Variants in RBFOX1 observed in about 807,000 individuals in gnomAD.
RBFOX1 encodes RNA binding fox-1 homolog 1.
Under a neutral mutation model 57.7 loss-of-function variants are expected in RBFOX1, and 8 were observed. That is an observed-to-expected ratio of 0.14 (90% CI 0.08 to 0.25). The LOEUF (loss-of-function observed/expected upper bound fraction) is 0.25, where lower values mean the gene tolerates loss of function less well. RBFOX1 is among the 10% of genes least tolerant of loss of function. The pLI, the probability that RBFOX1 is intolerant of heterozygous loss-of-function variation, is 1.00. For missense variants in RBFOX1, 611 were observed against 548.5 expected (o/e 1.11, Z -1.14); for synonymous variants, 326 against 222.4 (o/e 1.47, Z -4.15).
chr16:7,390,679 A>G (rs1003731926), intron 4 of RBFOX1, among the ~76,000 whole-genome samples: 1 of 152,204 alleles, frequency 6.6e-6, no homozygotes, highest in Non-Finnish European at 1.5e-5. Context: ...TTTTGATGAA[A>G]AGAATCAATA....
intron 3 of RBFOX1, among the ~76,000 whole-genome samples, chr16:5,700,847 A>G (rs1196815078): frequency 6.6e-6 from 1 of 152,184 alleles, no homozygotes; most frequent in Non-Finnish European, 1.5e-5. Context: ...TCTGTGAACC[A>G]GTCATAGGCT....
chr16:7,237,330 T>C (rs2093818691), intron 4 of RBFOX1, among the ~76,000 whole-genome samples: 1 of 152,170 alleles, frequency 6.6e-6, no homozygotes, highest in African/African-American at 2.4e-5. Flanking sequence ...GTCATCAGAG[T>C]GCAGAATGGA....
chr16:6,805,152 C>A (rs964705162), intron 3 of RBFOX1, among the ~76,000 whole-genome samples: 6 of 152,050 alleles, frequency 3.9e-5, no homozygotes, highest in Non-Finnish European at 5.9e-5. Context: ...AAAGGCCCAG[C>A]AATAACAGAT....
intron 2 of RBFOX1, among the ~76,000 whole-genome samples, chr16:6,470,128 A>C (rs2095140650): frequency 1.3e-5 from 2 of 152,178 alleles, no homozygotes; most frequent in South Asian, 4.1e-4. Context: ...AATAGAGTAT[A>C]TAGAAACCAG....
intron 4 of RBFOX1, among the ~76,000 whole-genome samples, chr16:7,203,541 G>A (rs567156646): frequency 6.6e-6 from 1 of 152,322 alleles, no homozygotes; most frequent in South Asian, 2.1e-4. Flanking sequence ...TAACTTTTAT[G>A]TTGTATTTGT....
At chr16:6,685,710 C>G (rs1437251599) in intron 3 of RBFOX1, among the ~76,000 whole-genome samples, 2 of 152,084 alleles carry the variant, frequency 1.3e-5, no homozygotes, top group Admixed American at 6.5e-5. Flanking sequence ...ACAAGATGGC[C>G]TCATCACTCA....
chr16:5,445,866 C>T (rs1368240771), intron 1 of RBFOX1, among the ~76,000 whole-genome samples: 3 of 152,214 alleles, frequency 2.0e-5, no homozygotes, highest in Non-Finnish European at 4.4e-5. Context: ...CAAAATAAAA[C>T]ATCTTTCCTC....
chr16:6,985,723 A>G (rs1025038120), intron 3 of RBFOX1, among the ~76,000 whole-genome samples: 4 of 151,084 alleles, frequency 2.6e-5, no homozygotes, highest in Non-Finnish European at 5.9e-5. Flanking sequence ...AATCTCAGCT[A>G]CTCAAGAGGC....
intron 4 of RBFOX1, among the ~76,000 whole-genome samples, chr16:7,296,636 C>T (rs1287823041): frequency 5.3e-5 from 8 of 152,174 alleles, no homozygotes; most frequent in Non-Finnish European, 8.8e-5. Flanking sequence ...AGATGCAGAA[C>T]ACCTGCATGA....
intron 1 of RBFOX1, among the ~76,000 whole-genome samples, chr16:6,297,149 G>A (rs975834312): frequency 9.9e-5 from 15 of 152,084 alleles, no homozygotes; most frequent in Admixed American, 2.0e-4. Context: ...CAGTGTTGTC[G>A]CCATCTTCGT....
intron 4 of RBFOX1, among the ~76,000 whole-genome samples, chr16:7,309,432 A>G (rs551284994): frequency 6.6e-6 from 1 of 152,310 alleles, no homozygotes; most frequent in African/African-American, 2.4e-5. Flanking sequence ...TCCACAGACC[A>G]AAGCCTTGTG....
intron 4 of RBFOX1, among the ~76,000 whole-genome samples, chr16:5,942,739 G>C (rs1319411506): frequency 2.0e-5 from 3 of 152,204 alleles, no homozygotes; most frequent in Non-Finnish European, 4.4e-5. Flanking sequence ...GTAGGTTAAA[G>C]ACAAGGTGGA....
chr16:7,236,551 A>C lies in RBFOX1; in HGVS notation c.27+184453A>C, dbSNP rs546779817. ...TGGCATTTTCCCCATCTGTTTTGGTAATTACTGTCAGATGAACTGATATCT... is the reference window on the plus strand; with the variant it reads ...TGGCATTTTCCCCATCTGTTTTGGTCATTACTGTCAGATGAACTGATATCT... On this transcript the variant is annotated intron_variant, in intron 4 of 15. Transcript: ENST00000550418. 5.3e-5 allele frequency among the ~76,000 whole-genome samples: 8 copies of C among 152,232 alleles called. No individual in the cohort carries two copies. In the South Asian group the frequency reaches 8.3e-4, roughly 16 times the overall value.
At chr16:6,823,128 C>T (rs541602406) in intron 3 of RBFOX1, among the ~76,000 whole-genome samples, 1 of 152,084 alleles carries the variant, frequency 6.6e-6, no homozygotes, top group African/African-American at 2.4e-5. Context: ...TTTATGAAGC[C>T]TGTATTTGAT....
Position 5,906,550 on chromosome 16 carries a change from T to A in RBFOX1, c.351+39215T>A, listed in dbSNP as rs111687348. Among the ~76,000 whole-genome samples the A allele has an allele frequency of 2.4e-4, 37 of 152,186 alleles. 1 individual carries two copies. Among genetic ancestry groups the A allele is most frequent in the African/African-American group, 8.7e-4 (36 of 41,526 alleles). ...ATGTTTGTTGTTTAAGCTCCCTGTC[T>A]GCAGGACTTTATTATGGCAGCCCTC... On this transcript the variant is annotated intron_variant, in intron 4 of 19. Coordinates refer to the RBFOX1 transcript ENST00000641259.
At chr16:5,725,484 A>G (rs140187967) in intron 3 of RBFOX1, among the ~76,000 whole-genome samples, 24 of 151,902 alleles carry the variant, frequency 1.6e-4, no homozygotes, top group African/African-American at 5.3e-4. Context: ...TCTTGTCTCA[A>G]ACTTAACAGG....
chr16:6,796,313 C>G (rs6500837), intron 3 of RBFOX1, among the ~76,000 whole-genome samples: 67,585 of 151,948 alleles, frequency 0.44, 16,600 homozygotes, highest in African/African-American at 0.66. Context: ...GGAATTGTGG[C>G]AGTTACAATT....
chr16:6,459,586 C>G (rs1375441484), intron 2 of RBFOX1, among the ~76,000 whole-genome samples: 1 of 152,074 alleles, frequency 6.6e-6, no homozygotes, highest in Non-Finnish European at 1.5e-5. Flanking sequence ...TCTCATGCTT[C>G]TGATATCTTT....
intron 4 of RBFOX1, among the ~76,000 whole-genome samples, chr16:7,500,508 T>G (rs553764400): frequency 6.6e-6 from 1 of 152,346 alleles, no homozygotes; most frequent in African/African-American, 2.4e-5. Context: ...AACGTAGATA[T>G]GCATCATGCA....
Sources: gnomAD v4.1 joint callset for allele counts (sites outside exome capture counted in the v4.1 genomes callset) on GRCh38, gnomAD v4.1.1 for gene constraint, MANE v1.5 for transcripts, NCBI Gene and HGNC (gene_info 2026-07-23, HGNC 2026-07-21) for gene names.